HMCN2: variants seen among roughly 807,000 people sequenced by gnomAD.
The protein encoded by HMCN2 is hemicentin 2.
A neutral mutation model predicts 377.5 loss-of-function variants in HMCN2; 325 were observed. The ratio of observed to expected loss-of-function variants is 0.86; its 90% confidence interval spans 0.79 to 0.94. HMCN2 has a LOEUF of 0.94. Ranked by LOEUF, HMCN2 falls within the 40% of genes least tolerant of loss-of-function variation. The probability of loss-of-function intolerance (pLI) is 0.00; values close to 1 mark genes in which losing one functional copy is unlikely to be tolerated. For synonymous variants in HMCN2, 2,007 were observed against 2,046.8 expected (o/e 0.98, Z 0.53); for missense variants, 4,543 against 4,725.3 (o/e 0.96, Z 1.13).
intron 52 of HMCN2, 62 bp downstream of exon 52, chr9:130,376,720 T>G (rs1373930254): frequency 1.0e-6 from 1 of 964,406 alleles, no homozygotes; most frequent in Non-Finnish European, 1.2e-6. Context: ...TGGTTCTGCT[T>G]GGAACCTTCC....
At chr9:130,346,886 T>C (rs919152445) in intron 25 of HMCN2, among the ~76,000 whole-genome samples, 5,962 of 152,100 alleles carry the variant, frequency 0.039, 139 homozygotes, top group African/African-American at 0.065. Flanking sequence ...GACTGGGGAC[T>C]TGCTGTGAAG....
intron 18 of HMCN2, among the ~76,000 whole-genome samples, 168 bp from the exon 19 acceptor site, chr9:130,321,619 G>A (rs1026677754): frequency 1.3e-5 from 2 of 152,254 alleles, no homozygotes; most frequent in Admixed American, 1.3e-4. Flanking sequence ...GCTTGACTGG[G>A]CACTCGGGAA....
chr9:130,361,924 C>T lies in HMCN2; in HGVS notation c.5951-84C>T, dbSNP rs896506970. ...TGTGCTTTTGCTGTGGCTGTGTGCT[C>T]CTGCAGGGGTGCCCAGCCAGGGGCC... On this transcript the variant is annotated intron_variant, in intron 38 of 97. Coordinates refer to ENST00000683500, the MANE Select transcript of HMCN2 (RefSeq NM_001291815.2). The surrounding 1 kb of genome is among the most constrained non-coding windows in gnomAD (Gnocchi z 4.8). 4.3e-5 allele frequency: 39 copies of T among 905,658 alleles called. No homozygotes were observed. Among genetic ancestry groups the T allele is most frequent in the Admixed American group, 1.9e-4 (3 of 16,162 alleles). 56.1% of individuals were successfully genotyped at this position (905,658 alleles called of 1,614,324 possible).
Position 130,361,958 on chromosome 9 carries a change from T to C in HMCN2, c.5951-50T>C. ...GTGCCCAGCCAGGGGCCCTGCCTGC[T>C]TTGCCCCAGTGGGGCTCAGCCTGTA... is the stretch of plus-strand genomic sequence containing the variant. On this transcript the variant is annotated intron_variant, in intron 38 of 97. Transcript: ENST00000683500. This position sits in a 1 kb window ranked among gnomAD's most constrained non-coding sequence, Gnocchi z 4.8. The C allele has an allele frequency of 1.0e-6, 1 of 983,842 alleles. No individual in the cohort carries two copies. 60.9% of individuals were successfully genotyped at this position (983,842 alleles called of 1,614,324 possible). A position where few individuals can be genotyped will look rare whatever the true frequency, so the allele number is the denominator to read the frequency against.
chr9:130,310,462 C>T (rs1554938717), intron 15 of HMCN2, among the ~76,000 whole-genome samples: 1 of 145,460 alleles, frequency 6.9e-6, no homozygotes, highest in African/African-American at 2.4e-5. Context: ...TGGCAGGAGG[C>T]TCCCAGAGAA....
At position 130,431,505 on chromosome 9, in the gene HMCN2, G is replaced by A. The variant is rs978534660; in HGVS notation, c.14767+19G>A. The A allele has an allele frequency of 6.5e-5, 100 of 1,545,748 alleles. No homozygotes were observed. The highest frequency in any genetic ancestry group is 3.1e-4 in the African/African-American group (23 of 73,034). ...TGCCAGGGTGAGCCGGGCTCAGGCC[G>A]CCGCCCAAACACCCGTGGGGCTAGG... On this transcript the variant is annotated intron_variant, in intron 96 of 97. Coordinates refer to ENST00000683500, the MANE Select transcript of HMCN2 (RefSeq NM_001291815.2).
At chr9:130,333,471 C>T (rs1040095396) in intron 22 of HMCN2, among the ~76,000 whole-genome samples, 28 of 152,322 alleles carry the variant, frequency 1.8e-4, no homozygotes, top group Non-Finnish European at 1.5e-4. Flanking sequence ...CTGACATCTG[C>T]GTGCGCCTCA....
rs576171339 is a variant in HMCN2, at chr9:130,404,965, A to C, written c.12245A>C (p.Asn4082Thr). The change falls in exon 81 of 98, where the codon AAC becomes ACC. Residue 4082 changes from asparagine to threonine, a missense_variant. Asn to Thr is a moderately conservative substitution (Grantham distance 65). This residue lies in a region of HMCN2 where 1,073 missense variants were observed against 1,319.5 expected (regional missense o/e 0.81). Coordinates refer to ENST00000683500, the MANE Select transcript of HMCN2 (RefSeq NM_001291815.2). The part of the protein sequence containing the change: ...PCKARGSPEP[N>T]ITWDKDGQPV... ...AAGGCGAGGGGCAGTCCTGAGCCCA[A>C]CATCACCTGGGACAAAGATGGCCAG... is the stretch of plus-strand genomic sequence containing the variant. 6 of 1,289,378 alleles carry C rather than the reference A, an allele frequency of 4.7e-6. No individual in the cohort carries two copies. The highest frequency in any genetic ancestry group is 6.1e-6 in the Non-Finnish European group (6 of 988,730). 79.9% of individuals were successfully genotyped at this position (1,289,378 alleles called of 1,614,324 possible).
intron 48 of HMCN2, among the ~76,000 whole-genome samples, chr9:130,373,834 T>G (rs181193762): frequency 2.6e-4 from 35 of 132,294 alleles, no homozygotes; most frequent in Middle Eastern, 8.1e-3. Context: ...AATGGGTGGA[T>G]GAATGAATGA....
intron 54 of HMCN2, among the ~76,000 whole-genome samples, chr9:130,381,746 C>T (rs912686967): frequency 3.3e-5 from 5 of 152,102 alleles, no homozygotes; most frequent in African/African-American, 9.7e-5. Flanking sequence ...CTTCTACCCC[C>T]GCCAACCACC....
intron 1 of HMCN2, among the ~76,000 whole-genome samples, chr9:130,277,549 A>G (rs1834761106): frequency 6.6e-6 from 1 of 152,104 alleles, no homozygotes; most frequent in Non-Finnish European, 1.5e-5. Flanking sequence ...CCATTTTCTC[A>G]TCTATAAAAT....
At chr9:130,379,928 T>G (rs1841613289) in intron 54 of HMCN2, among the ~76,000 whole-genome samples, 1 of 152,130 alleles carries the variant, frequency 6.6e-6, no homozygotes, top group African/African-American at 2.4e-5. Context: ...CAGGCTGGAG[T>G]GCAATGGTGC....
chr9:130,281,155 G>A (rs1210150871), intron 1 of HMCN2, among the ~76,000 whole-genome samples: 2 of 149,494 alleles, frequency 1.3e-5, no homozygotes, highest in Admixed American at 1.3e-4. Flanking sequence ...GTTTTGCTTT[G>A]TTTTGCCTGT....
chr9:130,409,046 C>T, intron 84 of HMCN2, 113 bp downstream of exon 84: 3 of 647,560 alleles, frequency 4.6e-6, no homozygotes, highest in South Asian at 3.7e-5. Context: ...GTGTACAAAG[C>T]ACCTCCCTGC....
At chr9:130,343,675 A>C (rs1255333110) in intron 25 of HMCN2, among the ~76,000 whole-genome samples, 1 of 152,220 alleles carries the variant, frequency 6.6e-6, no homozygotes, top group Non-Finnish European at 1.5e-5. Flanking sequence ...ACTGCCACAC[A>C]CAGCCCTGGT....
chr9:130,348,624 C>T lies in HMCN2; in HGVS notation c.4104C>T (p.Asp1368=), dbSNP rs1197819475. The T allele has an allele frequency of 1.3e-5, 17 of 1,303,222 alleles. No individual in the cohort carries two copies. The highest frequency in any genetic ancestry group is 6.9e-5 in the Admixed American group (3 of 43,466). The allele number at this position is 1,303,222 out of a possible 1,614,324, so 80.7% of individuals were successfully genotyped here. ...MAGQSLTLEC[D]ANGFPVPEIV... is the part of the protein sequence containing the mutation. Reference sequence around the variant, plus strand: ...GGCAGTCCCTGACGCTGGAGTGTGACGCGAACGGCTTTCCAGTCCCTGAGA... The same window carrying T: ...GGCAGTCCCTGACGCTGGAGTGTGATGCGAACGGCTTTCCAGTCCCTGAGA... The change falls in exon 27 of 98, where the codon GAC becomes GAT. Residue 1368 remains aspartate (D), a synonymous_variant. Transcript: ENST00000683500.
chr9:130,391,474 G>C lies in HMCN2; in HGVS notation c.9852G>C (p.Leu3284=). The C allele has an allele frequency of 2.0e-6, 2 of 987,852 alleles. No individual in the cohort carries two copies. The highest frequency in any genetic ancestry group is 2.8e-4 in the Middle Eastern group (1 of 3,544). 61.2% of individuals were successfully genotyped at this position (987,852 alleles called of 1,614,324 possible). A position where few individuals can be genotyped will look rare whatever the true frequency, so the allele number is the denominator to read the frequency against. ...HLRFYLDGGS[L]VLKGLRASDA... ...GGTTCTACCTGGACGGCGGCTCCCT[G>C]GTGCTAAAAGGCCTGAGGGCCTCGG... The change falls in exon 65 of 98, where the codon CTG becomes CTC. Residue 3284 remains leucine (L), a synonymous_variant. Transcript: ENST00000683500.
chr9:130,430,745 G>T, intron 95 of HMCN2, 141 bp downstream of exon 95: 1 of 762,304 alleles, frequency 1.3e-6, no homozygotes. Flanking sequence ...GTGGATGGTG[G>T]CTTCTCCAAT....
intron 95 of HMCN2, 85 bp downstream of exon 95, chr9:130,430,689 G>A (rs1404443084): frequency 4.7e-6 from 6 of 1,290,242 alleles, no homozygotes; most frequent in Admixed American, 2.8e-5. Context: ...GTCACCCACC[G>A]AGTTCAGAAA....
Sources: allele counts gnomAD v4.1 joint callset (sites outside exome capture counted in the v4.1 genomes callset), GRCh38; gene constraint gnomAD v4.1.1; regional missense constraint gnomAD v4.1.1; non-coding constraint Gnocchi (gnomAD v3.1); transcripts MANE v1.5; gene names NCBI Gene and HGNC (gene_info 2026-07-23, HGNC 2026-07-21).